Variants in LDLRAD3 observed in about 807,000 individuals in gnomAD.
LDLRAD3 encodes the protein low density lipoprotein receptor class A domain containing 3.
LDLRAD3 carries 20 observed loss-of-function variants against 29.4 expected under a neutral mutation model. The observed-to-expected ratio is 0.68, with a 90% confidence interval of 0.48 to 0.99. The LOEUF is 0.99. LDLRAD3 is among the 50% of genes least tolerant of loss of function. The pLI is 0.00. For synonymous variants in LDLRAD3, 157 were observed against 192.7 expected, an observed-to-expected ratio of 0.81 and a Z score of 1.53; for missense variants, 420 against 454.3, an observed-to-expected ratio of 0.92 and a Z score of 0.69.
chr11:36,135,292 G>A (rs1313090505), intron 4 of LDLRAD3, among the ~76,000 whole-genome samples: 1 of 152,196 alleles, frequency 6.6e-6, no homozygotes, highest in Non-Finnish European at 1.5e-5. Flanking sequence ...CCAGTTCTGT[G>A]CATTTTGATT....
intron 1 of LDLRAD3, among the ~76,000 whole-genome samples, chr11:35,974,694 A>G (rs1241522266): frequency 6.6e-6 from 1 of 152,228 alleles, no homozygotes; most frequent in Non-Finnish European, 1.5e-5. Flanking sequence ...TCCTCCATAC[A>G]GTCTCTTGTT....
At chr11:36,086,558 T>G (rs1853199243) in intron 3 of LDLRAD3, among the ~76,000 whole-genome samples, 1 of 152,202 alleles carries the variant, frequency 6.6e-6, no homozygotes, top group Admixed American at 6.5e-5. Flanking sequence ...GTCTTTGATG[T>G]GCTGATTAGG....
intron 4 of LDLRAD3, among the ~76,000 whole-genome samples, chr11:36,153,378 C>T (rs1854303027): frequency 1.3e-5 from 2 of 152,152 alleles, no homozygotes; most frequent in East Asian, 1.9e-4. Flanking sequence ...TGAGTAAATT[C>T]CATATAAGTT....
chr11:36,067,965 A>G (rs1852823983), intron 2 of LDLRAD3, among the ~76,000 whole-genome samples: 1 of 152,152 alleles, frequency 6.6e-6, no homozygotes, highest in Admixed American at 6.6e-5. Flanking sequence ...CACCACAGCT[A>G]GCCATAATTA....
At chr11:36,079,949 A>G (rs1223899625) in intron 2 of LDLRAD3, among the ~76,000 whole-genome samples, 2 of 152,234 alleles carry the variant, frequency 1.3e-5, no homozygotes, top group Admixed American at 6.5e-5. Context: ...AGGACTGTCC[A>G]GAGTTTATGC....
At chr11:36,167,693 C>A (rs942770982) in intron 4 of LDLRAD3, among the ~76,000 whole-genome samples, 3 of 152,174 alleles carry the variant, frequency 2.0e-5, no homozygotes, top group Non-Finnish European at 4.4e-5. Context: ...AGAGGGAGCA[C>A]GCCCTGCTGA....
At chr11:36,092,699 TC>T (rs1195007893) in intron 3 of LDLRAD3, among the ~76,000 whole-genome samples, 1 of 152,178 alleles carries the variant, frequency 6.6e-6, no homozygotes, top group African/African-American at 2.4e-5. Flanking sequence ...GTAAGTGGCA[TC>T]CCCCTCCCTT....
At chr11:35,963,621 G>A (rs1287622175) in intron 1 of LDLRAD3, among the ~76,000 whole-genome samples, 2 of 152,082 alleles carry the variant, frequency 1.3e-5, no homozygotes, top group East Asian at 3.8e-4. Flanking sequence ...GACCCAACTT[G>A]TGGTATTTCT....
intron 1 of LDLRAD3, among the ~76,000 whole-genome samples, chr11:35,984,134 G>T (rs1851578890): frequency 1.3e-5 from 2 of 152,024 alleles, no homozygotes; most frequent in Non-Finnish European, 2.9e-5. Context: ...AGAGATTTTG[G>T]GTTCCCAGCA....
At chr11:35,966,911 C>T (rs1565130024) in intron 1 of LDLRAD3, 1 of 153,050 alleles carries the variant, frequency 6.5e-6, no homozygotes, top group African/African-American at 2.4e-5. Flanking sequence ...AAACCAAATT[C>T]TATTCCTTTC....
intron 1 of LDLRAD3, among the ~76,000 whole-genome samples, chr11:35,952,272 A>G (rs1001507633): frequency 5.2e-5 from 8 of 152,396 alleles, no homozygotes; most frequent in African/African-American, 1.7e-4. Context: ...GGTATAGAAT[A>G]GAAATCCAAG....
At chr11:36,094,429 C>G (rs1853328658) in intron 3 of LDLRAD3, among the ~76,000 whole-genome samples, 1 of 152,206 alleles carries the variant, frequency 6.6e-6, no homozygotes, top group Non-Finnish European at 1.5e-5. Context: ...CTACCAAAAC[C>G]TACAATATTT....
chr11:36,081,606 T>C (rs1565209247), intron 2 of LDLRAD3, 47 bp from the exon 3 acceptor site: 2 of 1,613,404 alleles, frequency 1.2e-6, no homozygotes, highest in Non-Finnish European at 1.7e-6. Flanking sequence ...TATGCAGTCA[T>C]CTGAGAACAT....
chr11:36,067,137 G>A (rs184669787), intron 2 of LDLRAD3, among the ~76,000 whole-genome samples: 1 of 151,954 alleles, frequency 6.6e-6, no homozygotes, highest in Non-Finnish European at 1.5e-5. Flanking sequence ...AACTAAAATA[G>A]CACAGGTTTA....
chr11:36,150,619 G>A (rs943547421), intron 4 of LDLRAD3, among the ~76,000 whole-genome samples: 7 of 152,076 alleles, frequency 4.6e-5, no homozygotes, highest in Non-Finnish European at 7.3e-5. Flanking sequence ...GCCGGGCGTG[G>A]TGGCGGGCGC....
intron 4 of LDLRAD3, among the ~76,000 whole-genome samples, chr11:36,208,435 G>A (rs1313429790): frequency 3.3e-5 from 5 of 152,172 alleles, no homozygotes; most frequent in East Asian, 1.9e-4. Flanking sequence ...ATCCTCTAGC[G>A]ATGACAATCA....
At chr11:36,067,755 C>T (rs1168749346) in intron 2 of LDLRAD3, among the ~76,000 whole-genome samples, 1 of 152,236 alleles carries the variant, frequency 6.6e-6, no homozygotes, top group East Asian at 1.9e-4. Flanking sequence ...ACTGCAGCCT[C>T]TGCCTCCTGG....
intron 1 of LDLRAD3, among the ~76,000 whole-genome samples, chr11:35,986,391 T>TC (rs1565143777): frequency 6.6e-6 from 1 of 152,236 alleles, no homozygotes; most frequent in African/African-American, 2.4e-5. Context: ...ATGTTCAGGC[T>TC]CCAAGAATTA....
At chr11:36,100,716 G>C (rs1853433840) in intron 4 of LDLRAD3, among the ~76,000 whole-genome samples, 1 of 152,188 alleles carries the variant, frequency 6.6e-6, no homozygotes, top group African/African-American at 2.4e-5. Flanking sequence ...GGATTTACAG[G>C]CGTGAGCCAC....
Sources: allele counts gnomAD v4.1 joint callset (sites outside exome capture counted in the v4.1 genomes callset), GRCh38; gene constraint gnomAD v4.1.1; transcripts MANE v1.5; gene names NCBI Gene and HGNC (gene_info 2026-07-23, HGNC 2026-07-21).